FOXP1: variants seen among roughly 807,000 people sequenced by gnomAD.
The protein encoded by FOXP1 is forkhead box protein P1.
In FOXP1, 15 loss-of-function variants were observed where a neutral mutation model predicts 98.2. The ratio of observed to expected loss-of-function variants is 0.15; its 90% CI spans 0.10 to 0.24. The LOEUF (loss-of-function observed/expected upper bound fraction) is 0.24. Ranked by LOEUF, FOXP1 falls within the 10% of genes least tolerant of loss-of-function variation. The pLI is 1.00. For synonymous variants in FOXP1, 371 were observed against 314.5 expected (o/e 1.18, Z -1.90); for missense variants, 633 against 848.5 (o/e 0.75, Z 3.15).
At chr3:71,037,025 C>T (rs969600459) in intron 11 of FOXP1, among the ~76,000 whole-genome samples, 2 of 152,164 alleles carry the variant, frequency 1.3e-5, no homozygotes, top group African/African-American at 4.8e-5. Flanking sequence ...ATGCCACTAA[C>T]CACCAGTTCT....
intron 3 of FOXP1, among the ~76,000 whole-genome samples, chr3:71,396,023 T>C: frequency 6.6e-6 from 1 of 152,166 alleles, no homozygotes; most frequent in East Asian, 1.9e-4. Flanking sequence ...AAAGTTTAGT[T>C]ACACAATTCC....
intron 7 of FOXP1, among the ~76,000 whole-genome samples, chr3:71,105,601 T>C (rs897955159): frequency 6.6e-6 from 1 of 152,216 alleles, no homozygotes; most frequent in Non-Finnish European, 1.5e-5. Context: ...AAGTATGTTT[T>C]TCCCCTGTCC....
chr3:71,443,140 C>A (rs548440674), intron 3 of FOXP1, among the ~76,000 whole-genome samples: 3 of 152,164 alleles, frequency 2.0e-5, no homozygotes, highest in Non-Finnish European at 4.4e-5. Flanking sequence ...GTGATCCACC[C>A]GCCTCGGCCT....
chr3:71,361,743 G>A (rs906545479), intron 3 of FOXP1, among the ~76,000 whole-genome samples: 1 of 152,216 alleles, frequency 6.6e-6, no homozygotes, highest in Non-Finnish European at 1.5e-5. Flanking sequence ...AGGACTGGAT[G>A]CTCAACTAAT....
chr3:71,492,066 AT>A (rs2091098245), intron 3 of FOXP1, among the ~76,000 whole-genome samples: 1 of 152,188 alleles, frequency 6.6e-6, no homozygotes, highest in South Asian at 2.1e-4. Context: ...AAGCTGTCCC[AT>A]TTGTAAACTG....
intron 7 of FOXP1, among the ~76,000 whole-genome samples, chr3:71,080,988 A>G (rs2054347215): frequency 6.6e-6 from 1 of 152,192 alleles, no homozygotes; most frequent in South Asian, 2.1e-4. Context: ...GGCCCATTCT[A>G]CCAGCACTTT....
intron 3 of FOXP1, among the ~76,000 whole-genome samples, chr3:71,438,679 C>T (rs2085604729): frequency 6.6e-6 from 1 of 151,100 alleles, no homozygotes; most frequent in South Asian, 2.1e-4. Flanking sequence ...CATCACAAGG[C>T]TTGGTAGGCC....
intron 3 of FOXP1, among the ~76,000 whole-genome samples, chr3:71,471,854 A>C (rs1448449706): frequency 6.6e-6 from 1 of 152,164 alleles, no homozygotes; most frequent in African/African-American, 2.4e-5. Context: ...CTGATGATTC[A>C]AAGTGGTTCC....
intron 2 of FOXP1, among the ~76,000 whole-genome samples, chr3:71,514,319 T>C (rs1055501601): frequency 3.3e-5 from 5 of 152,204 alleles, no homozygotes; most frequent in Non-Finnish European, 5.9e-5. Flanking sequence ...TAAAAAGAAC[T>C]ACTTGGCGTC....
chr3:71,395,226 C>G (rs1196701830), intron 3 of FOXP1, among the ~76,000 whole-genome samples: 1 of 151,170 alleles, frequency 6.6e-6, no homozygotes, highest in Non-Finnish European at 1.5e-5. Flanking sequence ...GAACAGATTC[C>G]TAGTTCCCTT....
At chr3:71,325,079 G>C (rs1460323103) in intron 4 of FOXP1, among the ~76,000 whole-genome samples, 1 of 120,296 alleles carries the variant, frequency 8.3e-6, no homozygotes, top group Non-Finnish European at 1.7e-5. Flanking sequence ...TTGAGATGTT[G>C]TCTTGCTGTG....
chr3:70,954,834 T>C lies in FOXP1; in HGVS notation c.*4413A>G, dbSNP rs1349488103. 1 of 232,458 alleles carries C rather than the reference T, an allele frequency of 4.3e-6. No individual in the cohort carries two copies. Among genetic ancestry groups the C allele is most frequent in the Non-Finnish European group, 8.5e-6 (1 of 117,638 alleles). 14.4% of individuals were successfully genotyped at this position (232,458 alleles called of 1,614,324 possible). ...ATCCGCAGACATGGAATGATGGAAT[T>C]ACAGTTGATGTCAAGGAATGAGTTT... On this transcript the variant is annotated 3_prime_UTR_variant, in exon 21 of 21. Transcript: ENST00000649528.
rs2086741669 is a variant in FOXP1 at position 71,449,492 on chromosome 3, G to C, written c.-168+43934C>G. Reference sequence around the variant, plus strand: ...CAACACATCTTTCCTTTAAAACCCAGAATTTCATGGCTGGGAGCAGCCCAG... The same window carrying C: ...CAACACATCTTTCCTTTAAAACCCACAATTTCATGGCTGGGAGCAGCCCAG... On this transcript the variant is annotated intron_variant, in intron 3 of 20. Transcript: ENST00000649528. Among the ~76,000 whole-genome samples, 5 of 152,210 alleles carry C rather than the reference G, an allele frequency of 3.3e-5. No homozygotes were observed. The South Asian group carries it at 1.0e-3, about 32-fold the overall frequency.
intron 3 of FOXP1, among the ~76,000 whole-genome samples, chr3:71,468,541 G>T (rs1003059342): frequency 6.6e-6 from 1 of 152,106 alleles, no homozygotes; most frequent in African/African-American, 2.4e-5. Flanking sequence ...CTTTTGTTAT[G>T]TATAAAGACA....
chr3:71,423,393 G>A (rs752263564), intron 3 of FOXP1, among the ~76,000 whole-genome samples: 5 of 152,110 alleles, frequency 3.3e-5, no homozygotes, highest in Non-Finnish European at 5.9e-5. Context: ...GCCCTGAAGC[G>A]GTGTTCCTTT....
At chr3:71,388,521 T>C (rs2080774607) in intron 3 of FOXP1, among the ~76,000 whole-genome samples, 1 of 152,224 alleles carries the variant, frequency 6.6e-6, no homozygotes, top group South Asian at 2.1e-4. Context: ...AAATTTTCCT[T>C]TTATCTGAAG....
At chr3:70,983,609 A>G (rs1407460418) in intron 14 of FOXP1, among the ~76,000 whole-genome samples, 2 of 152,188 alleles carry the variant, frequency 1.3e-5, no homozygotes, top group Admixed American at 6.5e-5. Flanking sequence ...GTCAAGAAGA[A>G]TATACCACCT....
In FOXP1 at chr3:71,358,545, C is replaced by T. The variant is rs146693878; in HGVS notation, c.-73+605G>A. On this transcript the variant is annotated intron_variant, in intron 4 of 20. Transcript: ENST00000649528. ...TCACATGCATTATATCTTGTTTCATCCTTACAACACCATCTTTCAAGGTAG... is the reference window on the plus strand; with the variant it reads ...TCACATGCATTATATCTTGTTTCATTCTTACAACACCATCTTTCAAGGTAG... Among the ~76,000 whole-genome samples, 19 of 152,278 alleles carry T rather than the reference C, an allele frequency of 1.2e-4. No homozygotes were observed. In the South Asian group the frequency reaches 2.5e-3, roughly 20 times the overall value.
chr3:71,395,166 A>T (rs1334751462), intron 3 of FOXP1, among the ~76,000 whole-genome samples: 1 of 149,372 alleles, frequency 6.7e-6, no homozygotes, highest in African/African-American at 2.5e-5. Flanking sequence ...ACTTCCCCCT[A>T]GTTAATATCT....
Sources: gnomAD v4.1 joint callset for allele counts (sites outside exome capture counted in the v4.1 genomes callset) on GRCh38, gnomAD v4.1.1 for gene constraint, MANE v1.5 for transcripts, NCBI Gene and HGNC (gene_info 2026-07-23, HGNC 2026-07-21) for gene names.